Variants in ATF6 observed in about 807,000 individuals in gnomAD.
ATF6 encodes activating transcription factor 6, also known as cyclic AMP-dependent transcription factor ATF-6 alpha.
ATF6 carries 53 observed loss-of-function variants against 83.6 expected under a neutral mutation model. That is an observed-to-expected ratio of 0.63 (90% CI 0.51 to 0.80). ATF6 has a LOEUF of 0.80. ATF6 is among the 30% of genes least tolerant of loss of function. The probability of loss-of-function intolerance (pLI) is 0.00; values close to 1 mark genes in which losing one functional copy is unlikely to be tolerated. For missense variants in ATF6, 744 were observed against 797.9 expected, an observed-to-expected ratio of 0.93 and a Z score of 0.81; for synonymous variants, 288 against 285.8, an observed-to-expected ratio of 1.01 and a Z score of -0.08.
At position 161,860,197 on chromosome 1, in the gene ATF6, A is replaced by G; in HGVS notation, c.1534-10A>G. 6.5e-7 allele frequency: 1 copy of G among 1,544,616 alleles called. No individual in the cohort carries two copies. Reference sequence around the variant, plus strand: ...ACAGTATTAAACTTTTTTTTTTTTTAATATTCCAGGGTGCTCTGGAACAGG... The same window carrying G: ...ACAGTATTAAACTTTTTTTTTTTTTGATATTCCAGGGTGCTCTGGAACAGG... On this transcript the variant is annotated splice_polypyrimidine_tract_variant and intron_variant, in intron 12 of 15. Transcript: ENST00000367942.
At chr1:161,922,030 C>A (rs931707771) in intron 15 of ATF6, among the ~76,000 whole-genome samples, 6 of 152,078 alleles carry the variant, frequency 3.9e-5, no homozygotes, top group African/African-American at 1.4e-4. Context: ...CTCTGCTTTG[C>A]CTTGGGCATG....
intron 14 of ATF6, among the ~76,000 whole-genome samples, chr1:161,907,214 T>C (rs1291025672): frequency 2.0e-5 from 3 of 152,180 alleles, no homozygotes; most frequent in Non-Finnish European, 4.4e-5. Context: ...TTTTTGAGGG[T>C]TAATATGTTC....
chr1:161,859,664 G>A (rs978328760), intron 12 of ATF6, among the ~76,000 whole-genome samples: 2 of 152,150 alleles, frequency 1.3e-5, no homozygotes, highest in Admixed American at 1.3e-4. Context: ...CTGTGTGAAA[G>A]ACAGGTTTCC....
At chr1:161,774,422 C>G (rs1217557564) in intron 1 of ATF6, among the ~76,000 whole-genome samples, 1 of 151,968 alleles carries the variant, frequency 6.6e-6, no homozygotes, top group Non-Finnish European at 1.5e-5. Flanking sequence ...CACACACACA[C>G]ACACACACAC....
At chr1:161,832,660 A>T (rs538872733) in intron 9 of ATF6, among the ~76,000 whole-genome samples, 1 of 152,238 alleles carries the variant, frequency 6.6e-6, no homozygotes, top group Non-Finnish European at 1.5e-5. Flanking sequence ...GCTCATTGCT[A>T]GCACAGCAGT....
At chr1:161,791,895 G>A (rs1168347646) in intron 5 of ATF6, among the ~76,000 whole-genome samples, 2 of 152,204 alleles carry the variant, frequency 1.3e-5, no homozygotes, top group Non-Finnish European at 2.9e-5. Context: ...TTACCAGTTA[G>A]TGTGTCCCAT....
intron 1 of ATF6, among the ~76,000 whole-genome samples, chr1:161,766,648 C>T (rs1416333479): frequency 6.6e-6 from 1 of 152,202 alleles, no homozygotes; most frequent in East Asian, 1.9e-4. Flanking sequence ...AGAATATTGT[C>T]TAACTGGAGT....
At chr1:161,939,706 GGAA>G (rs1688606877) in intron 15 of ATF6, among the ~76,000 whole-genome samples, 2 of 152,270 alleles carry the variant, frequency 1.3e-5, no homozygotes, top group South Asian at 4.1e-4. Context: ...CTAACCAGCA[GGAA>G]GAAGAAGATA....
At chr1:161,913,222 C>A (rs1688026607) in intron 15 of ATF6, among the ~76,000 whole-genome samples, 1 of 152,156 alleles carries the variant, frequency 6.6e-6, no homozygotes, top group African/African-American at 2.4e-5. Context: ...AGTAAATTTT[C>A]TGTCTGGTAG....
intron 15 of ATF6, among the ~76,000 whole-genome samples, chr1:161,948,689 C>T (rs1688807594): frequency 6.6e-6 from 1 of 152,156 alleles, no homozygotes; most frequent in Non-Finnish European, 1.5e-5. Context: ...TTTGGCCTTA[C>T]CTATTGTTAA....
intron 14 of ATF6, among the ~76,000 whole-genome samples, chr1:161,892,628 C>CTTTTTTTTTTTTTTTTTTT (rs773642361): frequency 1.6e-5 from 2 of 124,716 alleles, no homozygotes; most frequent in African/African-American, 6.1e-5. Context: ...ACAGGTCATT[C>CTTTTTTTTTTTTTTTTTTT]TTTTTTTTTT....
intron 15 of ATF6, among the ~76,000 whole-genome samples, chr1:161,916,272 T>C (rs554733939): frequency 6.6e-6 from 1 of 152,312 alleles, no homozygotes; most frequent in South Asian, 2.1e-4. Context: ...CCAATTCTTA[T>C]TTTTAAAAAT....
At chr1:161,876,177 G>A (rs1687213346) in intron 14 of ATF6, among the ~76,000 whole-genome samples, 1 of 151,864 alleles carries the variant, frequency 6.6e-6, no homozygotes, top group Admixed American at 6.6e-5. Context: ...GGTCTTTGTT[G>A]TTGATTACTT....
In ATF6 at chr1:161,880,328, A is replaced by ATGTG. The variant is rs138587790; in HGVS notation, c.1719+17036_1719+17039dup. On this transcript the variant is annotated intron_variant, in intron 14 of 15. Transcript: ENST00000367942. ...ACACCACATTTTATGTGTGATATGTATGTGTGTGTGTGTGTGTGTGTGTAT... is the reference window on the plus strand; with the variant it reads ...ACACCACATTTTATGTGTGATATGTATGTGTGTGTGTGTGTGTGTGTGTGTGTAT... Among the ~76,000 whole-genome samples the ATGTG allele has an allele frequency of 2.9e-3, 425 of 148,026 alleles. 2 individuals carry two copies. The highest frequency in any genetic ancestry group is 1.8e-3 in the Non-Finnish European group (117 of 66,424).
intron 12 of ATF6, 52 bp downstream of exon 12, chr1:161,853,375 T>C (rs751950482): frequency 2.1e-6 from 3 of 1,416,994 alleles, no homozygotes; most frequent in Non-Finnish European, 3.0e-6. Flanking sequence ...TTGGAAGGCT[T>C]CTCCCAGCTG....
intron 10 of ATF6, among the ~76,000 whole-genome samples, chr1:161,851,233 A>AACACACACAC (rs60202873): frequency 0.012 from 938 of 75,446 alleles, 14 homozygotes; most frequent in East Asian, 0.022. Context: ...CCCTATCCTT[A>AACACACACAC]ACACACACAC....
chr1:161,894,033 C>T (rs954750305), intron 14 of ATF6, among the ~76,000 whole-genome samples: 3 of 152,040 alleles, frequency 2.0e-5, no homozygotes, highest in African/African-American at 7.2e-5. Flanking sequence ...TTATAAAGTC[C>T]CTACTTCTGC....
At position 161,766,353 on chromosome 1, in the gene ATF6, C is replaced by T; in HGVS notation, c.-8C>T. On this transcript the variant is annotated 5_prime_UTR_variant, in exon 1 of 16. Coordinates refer to ENST00000367942, the MANE Select transcript of ATF6 (RefSeq NM_007348.4). ...ATCACGGAGTTCCAGGGAGAAGGAA[C>T]TTGTGAAATGGGGGAGCCGGCTGGG... 1 of 1,613,116 alleles carries T rather than the reference C, an allele frequency of 6.2e-7. No homozygotes were observed. The highest frequency in any genetic ancestry group is 8.5e-7 in the Non-Finnish European group (1 of 1,179,480).
intron 13 of ATF6, among the ~76,000 whole-genome samples, chr1:161,861,884 G>A (rs1686894402): frequency 6.6e-6 from 1 of 152,180 alleles, no homozygotes; most frequent in South Asian, 2.1e-4. Context: ...GCTGTCTAGT[G>A]TTGCTAAGCC....
Sources: allele counts gnomAD v4.1 joint callset (sites outside exome capture counted in the v4.1 genomes callset), GRCh38; gene constraint gnomAD v4.1.1; transcripts MANE v1.5; gene names NCBI Gene and HGNC (gene_info 2026-07-23, HGNC 2026-07-21).